The following HTR2C variants were observed in gnomAD, a reference collection of about 807,000 sequenced individuals.
HTR2C encodes the protein 5-hydroxytryptamine receptor 2C, also known as 5-hydroxytryptamine (serotonin) receptor 2C, G protein-coupled.
In HTR2C, 5 loss-of-function variants were observed where a neutral mutation model predicts 21.0. The observed-to-expected ratio is 0.24, with a 90% CI of 0.12 to 0.50. The LOEUF (loss-of-function observed/expected upper bound fraction) is 0.50, where lower values mean the gene tolerates loss of function less well. Ranked by LOEUF, HTR2C falls within the 20% of genes least tolerant of loss-of-function variation. The pLI is 0.98. For synonymous variants in HTR2C, 150 were observed against 145.3 expected, an observed-to-expected ratio of 1.03 and a Z score of -0.23; for missense variants, 271 against 371.2, an observed-to-expected ratio of 0.73 and a Z score of 2.22.
intron 1 of HTR2C, among the ~76,000 whole-genome samples, chrX:114,611,690 G>T (rs987338216): frequency 1.4e-4 from 15 of 110,659 alleles, no homozygotes; most frequent in African/African-American, 4.9e-4. Flanking sequence ...CAAAGTTGTG[G>T]TTTTTTTTAG....
rs782667781 is a variant in HTR2C at position 114,689,543 on chromosome X, G to A, written c.-79-37315G>A. Among the ~76,000 whole-genome samples the A allele has an allele frequency of 2.8e-3, 301 of 109,323 alleles. 1 individual carries two copies. The highest frequency in any genetic ancestry group is 4.4e-3 in the Non-Finnish European group (233 of 52,621). The allele number at this position is 109,323 out of a possible 115,157, so 94.9% of individuals were successfully genotyped here. On this transcript the variant is annotated intron_variant, in intron 2 of 5. Transcript: ENST00000276198. ...TATTTTTTTTTTATGTTTTAACTCT[G>A]ACCATTCTTACAAGAGTAAGATGGT...
At chrX:114,799,019 T>G (rs1180653617) in intron 4 of HTR2C, among the ~76,000 whole-genome samples, 2 of 109,586 alleles carry the variant, frequency 1.8e-5, no homozygotes, top group Non-Finnish European at 3.8e-5. Flanking sequence ...CCATAACACA[T>G]GATTCCTAAC....
chrX:114,874,130 T>C (rs1370070810), intron 5 of HTR2C, among the ~76,000 whole-genome samples: 2 of 53,862 alleles, frequency 3.7e-5, no homozygotes, highest in African/African-American at 1.5e-4. Flanking sequence ...AATGACTGAA[T>C]AATTCTCTTG....
intron 5 of HTR2C, among the ~76,000 whole-genome samples, chrX:114,896,851 A>G (rs891016961): frequency 8.9e-6 from 1 of 111,979 alleles, no homozygotes; most frequent in Non-Finnish European, 1.9e-5. Context: ...GTAATCATCA[A>G]TATGACTAGG....
chrX:114,633,155 T>C (rs1247536087), intron 2 of HTR2C, among the ~76,000 whole-genome samples: 11 of 111,786 alleles, frequency 9.8e-5, no homozygotes, highest in African/African-American at 2.6e-4. Flanking sequence ...GCATTTTTCC[T>C]AAGGGAAGCA....
At chrX:114,632,707 G>C (rs1190090167) in intron 2 of HTR2C, among the ~76,000 whole-genome samples, 1 of 110,924 alleles carries the variant, frequency 9.0e-6, no homozygotes, top group Admixed American at 9.6e-5. Flanking sequence ...GGGTGATATG[G>C]AATGGGAGTA....
intron 2 of HTR2C, among the ~76,000 whole-genome samples, chrX:114,696,055 A>T (rs1183767824): frequency 8.9e-6 from 1 of 111,948 alleles, no homozygotes. Flanking sequence ...TTCAAGTAGC[A>T]TGCTTTCAAT....
intron 4 of HTR2C, among the ~76,000 whole-genome samples, chrX:114,836,594 C>T (rs970408783): frequency 6.3e-5 from 7 of 111,934 alleles, no homozygotes; most frequent in African/African-American, 1.9e-4. Flanking sequence ...CACTGACCTG[C>T]GCCCACTGTC....
chrX:114,689,210 A>G (rs952131385), intron 2 of HTR2C, among the ~76,000 whole-genome samples: 7 of 92,566 alleles, frequency 7.6e-5, no homozygotes, highest in African/African-American at 3.1e-4. Context: ...ATGTATGCGT[A>G]TATATATATA....
chrX:114,726,058 G>A (rs12558481), intron 2 of HTR2C, among the ~76,000 whole-genome samples: 88 of 111,753 alleles, frequency 7.9e-4, no homozygotes, highest in African/African-American at 2.0e-3. Flanking sequence ...TCGAGCTTCC[G>A]GGCTGCTTTG....
chrX:114,736,713 GCTT>G (rs1478091227), intron 4 of HTR2C, among the ~76,000 whole-genome samples: 7 of 111,773 alleles, frequency 6.3e-5, no homozygotes, highest in Admixed American at 9.5e-5. Flanking sequence ...AGAAAGTATA[GCTT>G]CTTAAGTGCA....
chrX:114,724,691 G>C (rs1475112302), intron 2 of HTR2C, among the ~76,000 whole-genome samples: 1 of 107,481 alleles, frequency 9.3e-6, no homozygotes, highest in Non-Finnish European at 1.9e-5. Flanking sequence ...TCCTTCAGGA[G>C]CTCTTTTAGG....
intron 5 of HTR2C, among the ~76,000 whole-genome samples, chrX:114,867,837 G>T (rs1297057019): frequency 9.2e-6 from 1 of 108,794 alleles, no homozygotes; most frequent in Non-Finnish European, 1.9e-5. Context: ...TTCGTTTCTG[G>T]TCTCTGTATT....
intron 4 of HTR2C, among the ~76,000 whole-genome samples, chrX:114,827,224 T>C (rs782050611): frequency 9.0e-6 from 1 of 111,469 alleles, no homozygotes; most frequent in East Asian, 2.8e-4. Context: ...ATTATCTCAG[T>C]GCTCAAAAAG....
At chrX:114,890,989 A>G (rs1243415803) in intron 5 of HTR2C, among the ~76,000 whole-genome samples, 2 of 111,509 alleles carry the variant, frequency 1.8e-5, no homozygotes, top group Non-Finnish European at 3.8e-5. Context: ...GTATTATCTC[A>G]TAAGTCTCAG....
At chrX:114,778,360 C>T (rs192547422) in intron 4 of HTR2C, among the ~76,000 whole-genome samples, 1 of 111,539 alleles carries the variant, frequency 9.0e-6, no homozygotes, top group East Asian at 2.8e-4. Flanking sequence ...GATTTTAGTA[C>T]ATGTGATATT....
At chrX:114,792,689 GC>G (rs1479976109) in intron 4 of HTR2C, among the ~76,000 whole-genome samples, 3 of 111,661 alleles carry the variant, frequency 2.7e-5, no homozygotes, top group African/African-American at 9.8e-5. Flanking sequence ...TTGAGGAATT[GC>G]CACACTATCT....
chrX:114,612,648 T>C, intron 1 of HTR2C, among the ~76,000 whole-genome samples: 1 of 112,355 alleles, frequency 8.9e-6, no homozygotes, highest in Non-Finnish European at 1.9e-5. Flanking sequence ...AATTGTTCTA[T>C]GTGAAATGTT....
At chrX:114,814,954 A>G (rs2070570889) in intron 4 of HTR2C, among the ~76,000 whole-genome samples, 1 of 103,336 alleles carries the variant, frequency 9.7e-6, no homozygotes, top group Admixed American at 1.1e-4. Flanking sequence ...TATATTATAT[A>G]TTATAGTATA....
Sources: allele counts gnomAD v4.1 joint callset (sites outside exome capture counted in the v4.1 genomes callset), GRCh38; gene constraint gnomAD v4.1.1; transcripts MANE v1.5; gene names NCBI Gene and HGNC (gene_info 2026-07-23, HGNC 2026-07-21).